The following PUDP variants were observed in gnomAD, a reference collection of about 807,000 sequenced individuals.
The protein encoded by PUDP is pseudouridine-5'-phosphatase.
PUDP carries 8 observed loss-of-function variants against 9.4 expected under a neutral mutation model. The ratio of observed to expected loss-of-function variants is 0.85; its 90% confidence interval spans 0.50 to 1.53. The LOEUF (loss-of-function observed/expected upper bound fraction) is 1.53, where lower values mean the gene tolerates loss of function less well. Among genes scored for constraint, PUDP ranks in the 40% most tolerant of loss-of-function variants. PUDP has a pLI of 0.00. For synonymous variants in PUDP, 99 were observed against 80.7 expected (o/e 1.23, Z -1.22); for missense variants, 188 against 189.7 (o/e 0.99, Z 0.05).
intron 3 of PUDP, among the ~76,000 whole-genome samples, chrX:6,802,068 T>C (rs1235338546): frequency 8.9e-6 from 1 of 112,097 alleles, no homozygotes; most frequent in Admixed American, 9.5e-5. Flanking sequence ...TATGGGTGTA[T>C]ATTTACTCCA....
chrX:6,838,366 C>A (rs751507180), intron 3 of PUDP, among the ~76,000 whole-genome samples: 1 of 112,536 alleles, frequency 8.9e-6, no homozygotes, highest in Admixed American at 9.4e-5. Context: ...CCATCTGTCT[C>A]TTAGAATTAA....
chrX:7,030,752 T>C (rs1929781843), intron 1 of PUDP, among the ~76,000 whole-genome samples: 2 of 111,290 alleles, frequency 1.8e-5, no homozygotes, highest in African/African-American at 6.5e-5. Flanking sequence ...AACATTATTT[T>C]GCCAAAAATA....
intron 3 of PUDP, among the ~76,000 whole-genome samples, chrX:6,822,690 GTT>G (rs113740633): frequency 0.29 from 26,018 of 90,921 alleles, 3,000 homozygotes; most frequent in African/African-American, 0.42. Flanking sequence ...CTCCCAAAGT[GTT>G]TTTTTTTTTT....
At chrX:6,925,250 G>A (rs1381461897) in intron 3 of PUDP, among the ~76,000 whole-genome samples, 1 of 111,973 alleles carries the variant, frequency 8.9e-6, no homozygotes, top group African/African-American at 3.2e-5. Flanking sequence ...GGGAGGTGGA[G>A]GTTGCAGTGA....
chrX:7,118,409 T>C (rs1156326178), intron 1 of PUDP, among the ~76,000 whole-genome samples: 1 of 112,186 alleles, frequency 8.9e-6, no homozygotes, highest in African/African-American at 3.2e-5. Context: ...CCAACTTGCC[T>C]TCCATGAATA....
chrX:6,867,532 T>C, intron 3 of PUDP, among the ~76,000 whole-genome samples: 1 of 109,903 alleles, frequency 9.1e-6, no homozygotes, highest in African/African-American at 3.3e-5. Context: ...TTGGTGATGG[T>C]GATGACGTTG....
At chrX:6,741,406 G>A (rs747834258) in intron 3 of PUDP, among the ~76,000 whole-genome samples, 1 of 111,582 alleles carries the variant, frequency 9.0e-6, no homozygotes, top group East Asian at 2.8e-4. Flanking sequence ...ATATATCTTT[G>A]TATGTGAATT....
intron 3 of PUDP, among the ~76,000 whole-genome samples, chrX:6,859,560 T>C (rs1926965792): frequency 8.9e-6 from 1 of 111,792 alleles, no homozygotes. Flanking sequence ...TATAATTCCT[T>C]ACTGCTCAGG....
intron 3 of PUDP, among the ~76,000 whole-genome samples, chrX:6,872,983 A>G (rs1927198405): frequency 9.0e-6 from 1 of 111,599 alleles, no homozygotes; most frequent in African/African-American, 3.3e-5. Context: ...GAGGTGTCTG[A>G]ATCAAGGCAG....
At chrX:6,993,674 T>C (rs1929215232) in intron 1 of PUDP, among the ~76,000 whole-genome samples, 1 of 112,533 alleles carries the variant, frequency 8.9e-6, no homozygotes, top group Non-Finnish European at 1.9e-5. Flanking sequence ...TAGAATTATA[T>C]ACAATGATGT....
At chrX:6,898,978 C>T (rs1425662288) in intron 3 of PUDP, among the ~76,000 whole-genome samples, 3 of 111,652 alleles carry the variant, frequency 2.7e-5, no homozygotes, top group Non-Finnish European at 5.6e-5. Context: ...TTTCTTACCC[C>T]TTCATTTGCA....
chrX:6,814,644 G>GT (rs560942691), intron 3 of PUDP, among the ~76,000 whole-genome samples: 198 of 111,040 alleles, frequency 1.8e-3, no homozygotes, highest in South Asian at 6.1e-3. Flanking sequence ...AAGAAAATGT[G>GT]TTTTTTTTGC....
intron 3 of PUDP, among the ~76,000 whole-genome samples, chrX:6,865,551 T>C (rs954603758): frequency 2.7e-5 from 3 of 112,216 alleles, no homozygotes; most frequent in Non-Finnish European, 5.6e-5. Context: ...ATTAGCAACA[T>C]CTCTAGAGCT....
intron 3 of PUDP, among the ~76,000 whole-genome samples, chrX:6,908,887 C>A (rs991231579): frequency 1.8e-5 from 2 of 111,873 alleles, no homozygotes; most frequent in Non-Finnish European, 3.8e-5. Flanking sequence ...CCTACAAAAT[C>A]AAGCCTCCAT....
intron 1 of PUDP, among the ~76,000 whole-genome samples, chrX:7,020,744 G>A (rs1353914018): frequency 8.9e-6 from 1 of 112,719 alleles, no homozygotes; most frequent in Non-Finnish European, 1.9e-5. Flanking sequence ...AATGCAATTA[G>A]GGAACTGCTG....
chrX:6,781,263 T>C (rs561200415), intron 3 of PUDP, among the ~76,000 whole-genome samples: 4 of 111,577 alleles, frequency 3.6e-5, no homozygotes, highest in Middle Eastern at 9.1e-3. Context: ...CAAACTTTTA[T>C]GGGTCTGATA....
intron 2 of PUDP, among the ~76,000 whole-genome samples, chrX:7,091,637 G>A (rs749118681): frequency 1.4e-4 from 16 of 111,437 alleles, no homozygotes; most frequent in South Asian, 3.8e-4. Context: ...CACCGCGCCC[G>A]GCCTTAAATG....
chrX:6,782,711 A>C (rs1925585079), intron 3 of PUDP, among the ~76,000 whole-genome samples: 1 of 112,443 alleles, frequency 8.9e-6, no homozygotes, highest in Non-Finnish European at 1.9e-5. Flanking sequence ...TGTCTAGAAG[A>C]TGTCAGTCAC....
At chrX:7,064,771 T>A (rs1272031773) in intron 3 of PUDP, among the ~76,000 whole-genome samples, 1 of 112,079 alleles carries the variant, frequency 8.9e-6, no homozygotes, top group Non-Finnish European at 1.9e-5. Context: ...ATACTCTGGA[T>A]GAGCCACAGA....
Sources: gnomAD v4.1 joint callset for allele counts (sites outside exome capture counted in the v4.1 genomes callset) on GRCh38, gnomAD v4.1.1 for gene constraint, MANE v1.5 for transcripts, NCBI Gene and HGNC (gene_info 2026-07-23, HGNC 2026-07-21) for gene names.